CLYBL: variants seen among roughly 807,000 people sequenced by gnomAD.
CLYBL encodes citramalyl-CoA lyase, mitochondrial.
Under a neutral mutation model 38.9 loss-of-function variants are expected in CLYBL, and 31 were observed. The observed-to-expected ratio is 0.80, with a 90% CI of 0.60 to 1.08. CLYBL has a LOEUF of 1.08. Among genes scored for constraint, CLYBL ranks in the 50% least tolerant of loss-of-function variants. The pLI is 0.00. For missense variants in CLYBL, 434 were observed against 411.6 expected (o/e 1.05, Z -0.47); for synonymous variants, 171 against 158.6 (o/e 1.08, Z -0.59).
At chr13:99,895,104 G>C (rs959368935), downstream of CLYBL, 1 of 152,092 alleles carries the variant, frequency 6.6e-6, no homozygotes, top group African/African-American at 2.4e-5. Context: ...AAACCATGTC[G>C]TTTTCCCCCG....
intron 2 of CLYBL, among the ~76,000 whole-genome samples, chr13:99,779,079 A>G (rs1343394443): frequency 6.6e-6 from 1 of 152,188 alleles, no homozygotes; most frequent in East Asian, 1.9e-4. Flanking sequence ...AATAGCTATG[A>G]TCCAACAAAA....
chr13:99,825,445 G>C, intron 2 of CLYBL, among the ~76,000 whole-genome samples: 1 of 152,198 alleles, frequency 6.6e-6, no homozygotes, highest in Admixed American at 6.5e-5. Context: ...TTAGAGATAA[G>C]AATCAAAATG....
At chr13:99,745,093 G>T (rs2048826019) in intron 1 of CLYBL, among the ~76,000 whole-genome samples, 1 of 152,202 alleles carries the variant, frequency 6.6e-6, no homozygotes, top group Admixed American at 6.5e-5. Context: ...AGCTAGAGAG[G>T]ATATAAGATT....
intron 7 of CLYBL, among the ~76,000 whole-genome samples, chr13:99,885,807 G>A (rs767046881): frequency 4.6e-5 from 7 of 152,224 alleles, no homozygotes; most frequent in Non-Finnish European, 7.3e-5. Flanking sequence ...GCCCATGAGA[G>A]TGTCTCCGGG....
chr13:99,693,148 C>A (rs1011197015), intron 1 of CLYBL, among the ~76,000 whole-genome samples: 2 of 152,054 alleles, frequency 1.3e-5, no homozygotes, highest in Non-Finnish European at 2.9e-5. Flanking sequence ...GGATGTATAG[C>A]GTTTTGTGCC....
intron 2 of CLYBL, among the ~76,000 whole-genome samples, chr13:99,845,833 G>C: frequency 6.6e-6 from 1 of 152,202 alleles, no homozygotes; most frequent in East Asian, 1.9e-4. Flanking sequence ...GTGTCCTGCT[G>C]GCCGTCCTTC....
At chr13:99,804,570 G>A (rs1284891808) in intron 2 of CLYBL, among the ~76,000 whole-genome samples, 5 of 152,082 alleles carry the variant, frequency 3.3e-5, no homozygotes. Context: ...GGAAGCGAAA[G>A]GCTCCCTGCC....
At chr13:99,799,554 G>A (rs951416942) in intron 2 of CLYBL, among the ~76,000 whole-genome samples, 2 of 152,180 alleles carry the variant, frequency 1.3e-5, no homozygotes, top group African/African-American at 4.8e-5. Context: ...AATCACATGG[G>A]CATCAATCAC....
At chr13:99,682,443 G>T (rs1044725448) in intron 1 of CLYBL, among the ~76,000 whole-genome samples, 18 of 151,926 alleles carry the variant, frequency 1.2e-4, no homozygotes, top group African/African-American at 4.4e-4. Flanking sequence ...CGCCCAGCCA[G>T]GGGTAAGGAT....
At chr13:99,746,978 A>G (rs1376056951) in intron 1 of CLYBL, among the ~76,000 whole-genome samples, 2 of 152,218 alleles carry the variant, frequency 1.3e-5, no homozygotes, top group African/African-American at 4.8e-5. Context: ...GTGTGCCTGA[A>G]CGTGTTCAGT....
At chr13:99,875,269 C>CTTACTAA in intron 7 of CLYBL, among the ~76,000 whole-genome samples, 1 of 152,288 alleles carries the variant, frequency 6.6e-6, no homozygotes. Context: ...ACAGTGCAAG[C>CTTACTAA]TGATAAGTTC....
chr13:99,714,586 C>A, intron 1 of CLYBL, among the ~76,000 whole-genome samples: 1 of 151,596 alleles, frequency 6.6e-6, no homozygotes, highest in Admixed American at 6.6e-5. Flanking sequence ...CACTGCACTT[C>A]CTCCTGGGTG....
chr13:99,743,989 T>C, intron 1 of CLYBL, among the ~76,000 whole-genome samples: 1 of 146,752 alleles, frequency 6.8e-6, no homozygotes, highest in Admixed American at 6.8e-5. Context: ...TTTTTTTTTT[T>C]TGAGACGGAG....
At position 99,776,032 on chromosome 13, in the gene CLYBL, C is replaced by T. The variant is rs538215794; in HGVS notation, c.249+3022C>T. ...ACAAAAAATTAGCTGGGCGTGGTGG[C>T]GGGCGCCTGCAGTCCCAGCTACTCG... On this transcript the variant is annotated intron_variant, in intron 2 of 8. Coordinates refer to ENST00000339105, the MANE Select transcript of CLYBL (RefSeq NM_206808.5). Among the ~76,000 whole-genome samples, 11 of 151,660 alleles carry T rather than the reference C, an allele frequency of 7.3e-5. 1 individual carries two copies. The highest frequency in any genetic ancestry group is 3.4e-3 in the Middle Eastern group (1 of 292).
In CLYBL at chr13:99,717,087, A is replaced by G. The variant is rs182219355; in HGVS notation, c.63-55737A>G. Among the ~76,000 whole-genome samples the G allele has an allele frequency of 2.5e-3, 382 of 151,388 alleles. 3 individuals are homozygous for G. The highest frequency in any genetic ancestry group is 3.6e-3 in the Admixed American group (55 of 15,204). ...ATTACAGGCGTGAGCCACCACGCCC[A>G]GCCCCCCTCTTTAATTTCTTGAACC... On this transcript the variant is annotated intron_variant, in intron 1 of 8. Coordinates refer to ENST00000339105, the MANE Select transcript of CLYBL (RefSeq NM_206808.5).
chr13:99,891,359 A>G lies in CLYBL; in HGVS notation c.969A>G (p.Leu323=). Residue 323 remains leucine, a synonymous_variant, in exon 8 of 9, where the codon TTA becomes TTG. Coordinates refer to ENST00000339105, the MANE Select transcript of CLYBL (RefSeq NM_206808.5). ...TFQGSMIDMP[L]LKQAQNTVTL... ...AAGGGAGTATGATCGACATGCCATT[A>G]CTGAAGCAGGCCCAGAACACTGTTA... 1.2e-6 allele frequency: 2 copies of G among 1,614,044 alleles called. No homozygotes were observed. Among genetic ancestry groups the G allele is most frequent in the Non-Finnish European group, 1.7e-6 (2 of 1,179,916 alleles).
intron 1 of CLYBL, among the ~76,000 whole-genome samples, chr13:99,752,445 A>G (rs2048974608): frequency 6.6e-6 from 1 of 152,130 alleles, no homozygotes; most frequent in African/African-American, 2.4e-5. Context: ...CACATGAGTG[A>G]TACCAGCTGG....
chr13:99,704,959 G>C lies in CLYBL; in HGVS notation c.63-67865G>C, dbSNP rs371805234. Among the ~76,000 whole-genome samples, 10 of 152,282 alleles carry C rather than the reference G, an allele frequency of 6.6e-5. No individual in the cohort carries two copies. The South Asian group carries it at 1.0e-3, about 16-fold the overall frequency. ...ATTTGAAATCTCAGCTACCTCCACT[G>C]TGTCCAGCTCACCGCAGTTATGCAT... On this transcript the variant is annotated intron_variant, in intron 1 of 8. Transcript: ENST00000339105.
intron 2 of CLYBL, among the ~76,000 whole-genome samples, chr13:99,843,398 T>C (rs949035563): frequency 6.6e-6 from 1 of 152,204 alleles, no homozygotes; most frequent in Non-Finnish European, 1.5e-5. Context: ...TAGTTAATTC[T>C]GCTATCTTCA....
Sources: gnomAD v4.1 joint callset for allele counts (sites outside exome capture counted in the v4.1 genomes callset) on GRCh38, gnomAD v4.1.1 for gene constraint, MANE v1.5 for transcripts, NCBI Gene and HGNC (gene_info 2026-07-23, HGNC 2026-07-21) for gene names.